MTUS2: variants seen among roughly 807,000 people sequenced by gnomAD.
MTUS2 encodes the protein microtubule-associated tumor suppressor candidate 2.
MTUS2 carries 40 observed loss-of-function variants against 114.1 expected under a neutral mutation model. The observed-to-expected ratio is 0.35, with a 90% CI of 0.27 to 0.46. The LOEUF is 0.46. Among genes scored for constraint, MTUS2 ranks in the 20% least tolerant of loss-of-function variants. MTUS2 has a pLI of 1.00. For synonymous variants in MTUS2, 688 were observed against 672.0 expected (o/e 1.02, Z -0.37); for missense variants, 1,679 against 1,705.4 (o/e 0.98, Z 0.27).
rs913856115 is a variant in MTUS2, at chr13:28,865,261, A to T, written c.-243+25411A>T. On this transcript the variant is annotated intron_variant, in intron 2 of 15. Coordinates refer to ENST00000612955, the MANE Select transcript of MTUS2 (RefSeq NM_001033602.4). ...TTCTGTGTCTCTAATAAGCACTGTT[A>T]AAGATTGGGCTGCAGGTGGTACAGA... Among the ~76,000 whole-genome samples the T allele has an allele frequency of 2.6e-5, 4 of 152,128 alleles. No individual in the cohort carries two copies. In the East Asian group the frequency reaches 7.7e-4, roughly 29 times the overall value.
rs766266716 is a variant in MTUS2, at chr13:29,025,333, G to A, written c.635G>A (p.Gly212Asp). 2.5e-6 allele frequency: 4 copies of A among 1,613,696 alleles called. No individual in the cohort carries two copies. The highest frequency in any genetic ancestry group is 4.5e-5 in the East Asian group (2 of 44,864). ...GAAGCACGGGGTCAGATACCTGGGGGTGGGGAGGGGCCACAGAAGACATTG... is the reference window on the plus strand; with the variant it reads ...GAAGCACGGGGTCAGATACCTGGGGATGGGGAGGGGCCACAGAAGACATTG... ...SREARGQIPG[G>D]GEGPQKTLPD... The change falls in exon 3 of 16, where the codon GGT (glycine) becomes GAT (aspartate). Residue 212 changes from glycine (G) to aspartate (D), a missense_variant. Physicochemically the swap from Gly to Asp is moderately conservative, Grantham distance 94. This residue lies in a region of MTUS2 where 843 missense variants were observed against 770.8 expected (regional missense o/e 1.09). Transcript: ENST00000612955.
chr13:29,001,404 A>T (rs1885377818), intron 2 of MTUS2, among the ~76,000 whole-genome samples: 1 of 152,170 alleles, frequency 6.6e-6, no homozygotes, highest in Admixed American at 6.5e-5. Context: ...TTAAAAAGAT[A>T]CCTGACAGAA....
At chr13:28,836,800 C>A (rs998942902) in intron 1 of MTUS2, among the ~76,000 whole-genome samples, 1 of 152,098 alleles carries the variant, frequency 6.6e-6, no homozygotes. Flanking sequence ...TGTGGCTGAG[C>A]TGGAGCTGAG....
chr13:29,024,510 C>T lies in MTUS2; in HGVS notation c.-189C>T. 1.5e-6 allele frequency: 1 copy of T among 647,524 alleles called. No homozygotes were observed. Among genetic ancestry groups the T allele is most frequent in the Non-Finnish European group, 2.6e-6 (1 of 383,038 alleles). The allele number at this position is 647,524 out of a possible 1,614,324, so 40.1% of individuals were successfully genotyped here. ...GCAGGAACCTAACAGATAAGTCTTC[C>T]TGCTGTATATCAAGACAATGCTTGG... On this transcript the variant is annotated 5_prime_UTR_variant, in exon 3 of 16. Transcript: ENST00000612955.
chr13:28,823,537 C>T (rs1175813249), intron 1 of MTUS2, among the ~76,000 whole-genome samples: 4 of 152,190 alleles, frequency 2.6e-5, no homozygotes. Context: ...ATCTACCATC[C>T]ACCCACCCAT....
At chr13:28,992,713 T>C (rs1227574909) in intron 2 of MTUS2, among the ~76,000 whole-genome samples, 1 of 152,234 alleles carries the variant, frequency 6.6e-6, no homozygotes, top group Non-Finnish European at 1.5e-5. Flanking sequence ...TAGTTGCTCA[T>C]ATTTAAAATT....
intron 4 of MTUS2, among the ~76,000 whole-genome samples, chr13:29,078,628 CA>C (rs1889303052): frequency 6.6e-6 from 1 of 152,116 alleles, no homozygotes; most frequent in Non-Finnish European, 1.5e-5. Context: ...ATCTTGTATC[CA>C]TTAGCAGCCA....
Position 29,391,762 on chromosome 13 carries a change from T to C in MTUS2, c.3117+32289T>C, listed in dbSNP as rs3125711. On this transcript the variant is annotated intron_variant, in intron 8 of 15. Transcript: ENST00000612955. ...AAGCTACGATTAAAAGCTACGATTT[T>C]AATCATTTTAGGTGTCCAATTCAGT... Among the ~76,000 whole-genome samples, 647 of 152,294 alleles carry C rather than the reference T, an allele frequency of 4.2e-3. 9 individuals are homozygous for C. Among genetic ancestry groups the C allele is most frequent in the African/African-American group, 0.015 (609 of 41,556 alleles).
chr13:29,147,326 ATC>A (rs1159719180), intron 5 of MTUS2, among the ~76,000 whole-genome samples: 1 of 152,222 alleles, frequency 6.6e-6, no homozygotes, highest in Non-Finnish European at 1.5e-5. Context: ...AGTCATAAGT[ATC>A]TGTTAGACCC....
intron 6 of MTUS2, among the ~76,000 whole-genome samples, chr13:29,315,815 A>T (rs1339721412): frequency 6.6e-6 from 1 of 152,176 alleles, no homozygotes; most frequent in East Asian, 1.9e-4. Flanking sequence ...AAGGGATTAT[A>T]GTCTGAGTTG....
intron 2 of MTUS2, among the ~76,000 whole-genome samples, chr13:29,023,176 C>T (rs947159269): frequency 3.6e-4 from 54 of 151,946 alleles, no homozygotes; most frequent in African/African-American, 1.2e-3. Context: ...GAAGAGTATG[C>T]GCAAAGGCCC....
intron 8 of MTUS2, among the ~76,000 whole-genome samples, chr13:29,407,909 G>A (rs1874903002): frequency 6.6e-6 from 1 of 152,040 alleles, no homozygotes. Flanking sequence ...TCATATTGTG[G>A]CTTTTATTTG....
At chr13:29,443,648 C>T (rs1379242370) in intron 9 of MTUS2, among the ~76,000 whole-genome samples, 2 of 152,148 alleles carry the variant, frequency 1.3e-5, no homozygotes, top group Non-Finnish European at 2.9e-5. Context: ...AGAAGAAAGA[C>T]GGAGGGGAAT....
In MTUS2 at chr13:29,288,869, C is replaced by T. The variant is rs564250496; in HGVS notation, c.2806+7004C>T. On this transcript the variant is annotated intron_variant, in intron 6 of 15. Coordinates refer to ENST00000612955, the MANE Select transcript of MTUS2 (RefSeq NM_001033602.4). Reference sequence around the variant, plus strand: ...GAGTAGCACCTACACCTGGTCTCAGCGTTTCACGTGCTGCATTTTAAGCGG... The same window carrying T: ...GAGTAGCACCTACACCTGGTCTCAGTGTTTCACGTGCTGCATTTTAAGCGG... 8.5e-5 allele frequency among the ~76,000 whole-genome samples: 13 copies of T among 152,294 alleles called. No homozygotes were observed. In the South Asian group the frequency reaches 2.1e-3, roughly 24 times the overall value.
At chr13:29,263,888 C>A (rs1419558077) in intron 5 of MTUS2, among the ~76,000 whole-genome samples, 1 of 152,162 alleles carries the variant, frequency 6.6e-6, no homozygotes, top group Non-Finnish European at 1.5e-5. Context: ...CATCCCACCC[C>A]TGGCCTCCAA....
At chr13:29,026,935 A>C (rs375497658) in intron 3 of MTUS2, 32 bp downstream of exon 3, 1 of 1,527,230 alleles carries the variant, frequency 6.5e-7, no homozygotes, top group African/African-American at 1.4e-5. Flanking sequence ...ATGGTCTATA[A>C]GTTGACTGTC....
chr13:29,069,726 A>G (rs186005444), intron 4 of MTUS2, among the ~76,000 whole-genome samples: 33 of 152,366 alleles, frequency 2.2e-4, no homozygotes, highest in Admixed American at 1.8e-3. Context: ...GCAAAAATCC[A>G]TAACTAATTC....
At chr13:29,132,768 G>T (rs1201341235) in intron 5 of MTUS2, among the ~76,000 whole-genome samples, 3 of 152,168 alleles carry the variant, frequency 2.0e-5, no homozygotes, top group Non-Finnish European at 4.4e-5. Context: ...GGACATTTTG[G>T]TTGCTTCCAC....
At chr13:29,086,420 C>A (rs1448723252) in intron 4 of MTUS2, among the ~76,000 whole-genome samples, 1 of 151,856 alleles carries the variant, frequency 6.6e-6, no homozygotes, top group Non-Finnish European at 1.5e-5. Flanking sequence ...ACATTTAAGT[C>A]TTCAAGATTG....
Sources: allele counts gnomAD v4.1 joint callset (sites outside exome capture counted in the v4.1 genomes callset), GRCh38; gene constraint gnomAD v4.1.1; regional missense constraint gnomAD v4.1.1; transcripts MANE v1.5; gene names NCBI Gene and HGNC (gene_info 2026-07-23, HGNC 2026-07-21).